Variants in CDH13 observed in about 807,000 individuals in gnomAD.
CDH13 encodes the protein cadherin-13.
In CDH13, 24 loss-of-function variants were observed where a neutral mutation model predicts 63.8. The observed-to-expected ratio is 0.38, with a 90% CI of 0.27 to 0.53. The LOEUF is 0.53. CDH13 is among the 20% of genes least tolerant of loss of function. The pLI is 0.85. For missense variants in CDH13, 1,049 were observed against 903.1 expected (o/e 1.16, Z -2.07); for synonymous variants, 503 against 355.3 (o/e 1.42, Z -4.67).
At chr16:82,925,573 G>A (rs939411853) in intron 2 of CDH13, among the ~76,000 whole-genome samples, 1 of 152,226 alleles carries the variant, frequency 6.6e-6, no homozygotes, top group Non-Finnish European at 1.5e-5. Flanking sequence ...CCCAGCCATT[G>A]TGGCAGATGA....
chr16:83,444,242 C>T (rs866976270), intron 6 of CDH13, among the ~76,000 whole-genome samples: 1 of 151,862 alleles, frequency 6.6e-6, no homozygotes, highest in Non-Finnish European at 1.5e-5. Context: ...ATGATGATGA[C>T]GATGATGGTA....
chr16:82,683,395 C>A (rs17264872), intron 1 of CDH13, among the ~76,000 whole-genome samples: 20,626 of 152,192 alleles, frequency 0.14, 1,821 homozygotes, highest in Middle Eastern at 0.24. Flanking sequence ...ACTCTTGGTG[C>A]TGCAAAGTGG....
chr16:83,170,562 T>A (rs2151727832), intron 4 of CDH13, among the ~76,000 whole-genome samples: 1 of 152,254 alleles, frequency 6.6e-6, no homozygotes, highest in Admixed American at 6.5e-5. Flanking sequence ...TATCTGTCAG[T>A]CTTAGTACTT....
rs138667318 is a variant in CDH13, at chr16:82,687,848, G to A, written c.45+60711G>A. Among the ~76,000 whole-genome samples the A allele has an allele frequency of 1.6e-3, 244 of 152,190 alleles. 2 individuals carry two copies. The highest frequency in any genetic ancestry group is 0.014 in the Middle Eastern group (4 of 294). On this transcript the variant is annotated intron_variant, in intron 1 of 13. Transcript: ENST00000567109. ...GTCTCTTTTCAAACTGGCTGTCCTC[G>A]GGGGTAGGAGCAGAGCCAGGGCAAA...
intron 1 of CDH13, among the ~76,000 whole-genome samples, chr16:82,714,643 G>C (rs969784724): frequency 4.2e-5 from 6 of 143,386 alleles, no homozygotes; most frequent in African/African-American, 1.6e-4. Flanking sequence ...AAACTGGGCA[G>C]GTGCTGGTTG....
At chr16:83,505,041 C>T (rs994667517) in intron 7 of CDH13, among the ~76,000 whole-genome samples, 1 of 152,132 alleles carries the variant, frequency 6.6e-6, no homozygotes, top group African/African-American at 2.4e-5. Context: ...TCATCATAGT[C>T]AGCCAGCTGT....
chr16:82,663,373 A>T (rs11648373), intron 1 of CDH13, among the ~76,000 whole-genome samples: 54,134 of 151,816 alleles, frequency 0.36, 10,044 homozygotes, highest in Non-Finnish European at 0.42. Context: ...TTTAGTATAG[A>T]TGGGTTTCTC....
intron 1 of CDH13, among the ~76,000 whole-genome samples, chr16:82,726,265 T>A (rs143552188): frequency 4.6e-5 from 7 of 152,230 alleles, no homozygotes; most frequent in African/African-American, 1.7e-4. Flanking sequence ...AAGTAAATAT[T>A]TTAGCCTTGG....
intron 2 of CDH13, among the ~76,000 whole-genome samples, chr16:82,979,160 A>C (rs930492640): frequency 6.6e-6 from 1 of 152,198 alleles, no homozygotes; most frequent in Admixed American, 6.5e-5. Flanking sequence ...GAACAGATGT[A>C]TTTATCCAAT....
chr16:83,340,457 C>A (rs892549837), intron 5 of CDH13, among the ~76,000 whole-genome samples: 17 of 152,144 alleles, frequency 1.1e-4, no homozygotes, highest in Non-Finnish European at 2.2e-4. Flanking sequence ...GACTCAGCCT[C>A]CTGTTTGGAG....
In CDH13 at chr16:82,966,326, T is replaced by C. The variant is rs1478107155; in HGVS notation, c.158-65684T>C. Among the ~76,000 whole-genome samples, 4 of 136,268 alleles carry C rather than the reference T, an allele frequency of 2.9e-5. No homozygotes were observed. In the Admixed American group the frequency reaches 3.0e-4, roughly 10 times the overall value. 89.4% of individuals were successfully genotyped at this position (136,268 alleles called of 152,430 possible). ...ACCACGCCCAGCTAATTTTTTTGTA[T>C]TTTTAGTAGAGATGGGGTTTCACTG... On this transcript the variant is annotated intron_variant, in intron 2 of 13. Transcript: ENST00000567109.
At chr16:82,953,950 G>C (rs1905667987) in intron 2 of CDH13, 2 of 152,210 alleles carry the variant, frequency 1.3e-5, no homozygotes, top group Admixed American at 1.3e-4. Flanking sequence ...AATAGACCTA[G>C]GAGGAATGCA....
intron 5 of CDH13, among the ~76,000 whole-genome samples, chr16:83,265,054 T>C (rs1189070433): frequency 6.6e-6 from 1 of 152,250 alleles, no homozygotes; most frequent in East Asian, 1.9e-4. Context: ...TATTTTTTAT[T>C]AAATCCTATG....
chr16:82,991,913 C>T (rs1258102571), intron 2 of CDH13, among the ~76,000 whole-genome samples: 1 of 151,730 alleles, frequency 6.6e-6, no homozygotes, highest in African/African-American at 2.4e-5. Flanking sequence ...AAGAAATTTA[C>T]CAGAACTTTT....
chr16:82,948,095 G>T (rs187720462), intron 2 of CDH13, among the ~76,000 whole-genome samples: 1 of 152,122 alleles, frequency 6.6e-6, no homozygotes, highest in Non-Finnish European at 1.5e-5. Flanking sequence ...GTCATACAAT[G>T]CTTAGTAAAG....
At chr16:83,241,953 A>G (rs1904494211) in intron 5 of CDH13, among the ~76,000 whole-genome samples, 1 of 152,138 alleles carries the variant, frequency 6.6e-6, no homozygotes, top group Non-Finnish European at 1.5e-5. Flanking sequence ...TTCCACTAGC[A>G]GTTGTATAGT....
chr16:83,706,007 C>G (rs937877974), intron 10 of CDH13, among the ~76,000 whole-genome samples: 3 of 152,120 alleles, frequency 2.0e-5, no homozygotes, highest in Non-Finnish European at 4.4e-5. Context: ...ACATCGTTTT[C>G]GTGTCTCTGT....
At chr16:83,416,421 C>A (rs1329386000) in intron 6 of CDH13, among the ~76,000 whole-genome samples, 1 of 152,166 alleles carries the variant, frequency 6.6e-6, no homozygotes, top group Non-Finnish European at 1.5e-5. Context: ...CTCTCATGAC[C>A]CTGTCCTCAG....
In CDH13 at chr16:82,939,972, C is replaced by T. The variant is rs763656619; in HGVS notation, c.157+81499C>T. ...GGTGGAAGGTGAAGAGGAGCAAAAT[C>T]GTGTCTCATGTGGCAGCAGACAGGA... is the stretch of plus-strand genomic sequence containing the variant. On this transcript the variant is annotated intron_variant, in intron 2 of 13. Coordinates refer to ENST00000567109, the MANE Select transcript of CDH13 (RefSeq NM_001257.5). Among the ~76,000 whole-genome samples the T allele has an allele frequency of 6.4e-4, 98 of 152,102 alleles. 1 individual carries two copies. The highest frequency in any genetic ancestry group is 3.3e-4 in the Admixed American group (5 of 15,256).
Sources: gnomAD v4.1 joint callset for allele counts (sites outside exome capture counted in the v4.1 genomes callset) on GRCh38, gnomAD v4.1.1 for gene constraint, MANE v1.5 for transcripts, NCBI Gene and HGNC (gene_info 2026-07-23, HGNC 2026-07-21) for gene names.